The following NRG3 variants were observed in gnomAD, a reference collection of about 807,000 sequenced individuals.
NRG3 encodes the protein pro-neuregulin-3, membrane-bound isoform.
NRG3 carries 31 observed loss-of-function variants against 66.9 expected under a neutral mutation model. That is an observed-to-expected ratio of 0.46 (90% CI 0.35 to 0.63). NRG3 has a LOEUF of 0.63. Ranked by LOEUF, NRG3 falls within the 20% of genes least tolerant of loss-of-function variation. The pLI is 0.00. For synonymous variants in NRG3, 393 were observed against 359.4 expected, an observed-to-expected ratio of 1.09 and a Z score of -1.06; for missense variants, 910 against 878.9, an observed-to-expected ratio of 1.04 and a Z score of -0.45.
chr10:82,206,319 A>G (rs528694582), intron 1 of NRG3, among the ~76,000 whole-genome samples: 1 of 152,256 alleles, frequency 6.6e-6, no homozygotes, highest in African/African-American at 2.4e-5. Context: ...ACAATTTACT[A>G]AACAAATGAC....
rs865902888 is a variant in NRG3 at position 82,761,977 on chromosome 10, C to T, written c.1027+23327C>T. The stretch of plus-strand genomic sequence containing the variant: ...CTTTCTTTCTTTCTTTCTTTCTTTT[C>T]TTTCTTTCTTCTTTCTTTTCCTTTC... On this transcript the variant is annotated intron_variant, in intron 3 of 8. Coordinates refer to ENST00000372141, the MANE Select transcript of NRG3 (RefSeq NM_001010848.4). 1.9e-3 allele frequency among the ~76,000 whole-genome samples: 125 copies of T among 65,806 alleles called. 1 individual carries two copies. The highest frequency in any genetic ancestry group is 3.1e-3 in the African/African-American group (56 of 17,834). 43.2% of individuals were successfully genotyped at this position (65,806 alleles called of 152,430 possible). A position where few individuals can be genotyped will look rare whatever the true frequency, so the allele number is the denominator to read the frequency against.
intron 1 of NRG3, among the ~76,000 whole-genome samples, chr10:82,216,573 GGTGTGTGT>G (rs367590464): frequency 8.4e-6 from 1 of 119,418 alleles, no homozygotes; most frequent in East Asian, 2.3e-4. Flanking sequence ...TATATATCTG[GGTGTGTGT>G]GTGTGTGTGT....
At chr10:82,262,321 T>C (rs2078073951) in intron 1 of NRG3, among the ~76,000 whole-genome samples, 2 of 152,122 alleles carry the variant, frequency 1.3e-5, no homozygotes, top group Admixed American at 1.3e-4. Context: ...TGTTTTATGC[T>C]TCGATTTGGG....
chr10:82,384,353 G>T (rs2085835030), intron 2 of NRG3, among the ~76,000 whole-genome samples: 1 of 151,972 alleles, frequency 6.6e-6, no homozygotes, highest in Non-Finnish European at 1.5e-5. Flanking sequence ...GTAAAAATGT[G>T]CCATGGTGGT....
intron 2 of NRG3, among the ~76,000 whole-genome samples, chr10:82,734,476 G>A (rs2058061754): frequency 6.6e-6 from 1 of 152,110 alleles, no homozygotes; most frequent in African/African-American, 2.4e-5. Context: ...GGAAGGTCCT[G>A]AGCCTCTATT....
chr10:82,733,414 T>C (rs2058014389), intron 2 of NRG3, among the ~76,000 whole-genome samples: 1 of 152,178 alleles, frequency 6.6e-6, no homozygotes, highest in Non-Finnish European at 1.5e-5. Flanking sequence ...GAAACAAAGA[T>C]ATTAAATAAT....
chr10:82,120,331 T>G (rs2068004258), intron 1 of NRG3, among the ~76,000 whole-genome samples: 1 of 152,056 alleles, frequency 6.6e-6, no homozygotes, highest in African/African-American at 2.4e-5. Context: ...TTTACTGGAG[T>G]TGGTCTAAAT....
chr10:82,974,863 A>G (rs1247078968), intron 7 of NRG3, among the ~76,000 whole-genome samples: 3 of 152,144 alleles, frequency 2.0e-5, no homozygotes, highest in Admixed American at 1.3e-4. Context: ...TCACCTTTTA[A>G]TGAGTTACAT....
intron 1 of NRG3, among the ~76,000 whole-genome samples, chr10:82,024,610 C>T (rs1356918346): frequency 4.0e-5 from 6 of 151,894 alleles, no homozygotes; most frequent in African/African-American, 1.4e-4. Flanking sequence ...AAGCTGAATT[C>T]AAGGTGTGTA....
At chr10:82,275,505 A>G (rs981313840) in intron 1 of NRG3, among the ~76,000 whole-genome samples, 1 of 152,044 alleles carries the variant, frequency 6.6e-6, no homozygotes, top group Non-Finnish European at 1.5e-5. Flanking sequence ...GCAAAAGGCC[A>G]GTGAAGGATC....
chr10:81,876,984 G>A lies in NRG3; in HGVS notation c.823+821G>A, dbSNP rs1251122067. On this transcript the variant is annotated intron_variant, in intron 1 of 8. Coordinates refer to ENST00000372141, the MANE Select transcript of NRG3 (RefSeq NM_001010848.4). ...TTTGTTCCGTTCCCAAAGGTGGGGT[G>A]TGAACCTTATCTCCTCTCCCTCTGT... Among the ~76,000 whole-genome samples, 8 of 152,140 alleles carry A rather than the reference G, an allele frequency of 5.3e-5. No individual in the cohort carries two copies. In the East Asian group the frequency reaches 1.5e-3, roughly 29 times the overall value.
chr10:82,967,895 A>T (rs1564676171), intron 6 of NRG3, among the ~76,000 whole-genome samples: 1 of 151,916 alleles, frequency 6.6e-6, no homozygotes, highest in Non-Finnish European at 1.5e-5. Context: ...ACAGACCCCA[A>T]CTCTCGTTCT....
At chr10:82,826,788 A>G (rs2135624492) in intron 3 of NRG3, among the ~76,000 whole-genome samples, 1 of 152,206 alleles carries the variant, frequency 6.6e-6, no homozygotes, top group African/African-American at 2.4e-5. Context: ...GGTGAAAATC[A>G]AAAACTACCT....
chr10:82,623,819 A>G (rs1208351927), intron 2 of NRG3, among the ~76,000 whole-genome samples: 2 of 152,208 alleles, frequency 1.3e-5, no homozygotes, highest in African/African-American at 4.8e-5. Context: ...AGCTTCAGCC[A>G]AAACAACTCA....
intron 1 of NRG3, among the ~76,000 whole-genome samples, chr10:82,150,538 A>G (rs2070652476): frequency 6.6e-6 from 1 of 150,488 alleles, no homozygotes; most frequent in Non-Finnish European, 1.5e-5. Flanking sequence ...CACAAAAAAA[A>G]AAAAAAAAAA....
At chr10:82,883,937 C>T (rs1321126182) in intron 4 of NRG3, among the ~76,000 whole-genome samples, 1 of 150,510 alleles carries the variant, frequency 6.6e-6, no homozygotes, top group South Asian at 2.1e-4. Flanking sequence ...AAATATTTTG[C>T]TATAGTTTTT....
At chr10:82,399,035 A>G (rs1043688009) in intron 2 of NRG3, among the ~76,000 whole-genome samples, 2 of 152,216 alleles carry the variant, frequency 1.3e-5, no homozygotes, top group African/African-American at 2.4e-5. Context: ...ATGACAAGTG[A>G]TAGTTAATTT....
chr10:82,142,364 G>C (rs2069858078), intron 1 of NRG3, among the ~76,000 whole-genome samples: 1 of 152,092 alleles, frequency 6.6e-6, no homozygotes, highest in South Asian at 2.1e-4. Context: ...AGTCAACCTG[G>C]ACAGTATCTG....
chr10:82,236,114 A>G (rs1389685588), intron 1 of NRG3, among the ~76,000 whole-genome samples: 1 of 152,142 alleles, frequency 6.6e-6, no homozygotes, highest in Admixed American at 6.6e-5. Context: ...GTACTTTTAC[A>G]GTCAGTCGTT....
Sources: allele counts gnomAD v4.1 joint callset (sites outside exome capture counted in the v4.1 genomes callset), GRCh38; gene constraint gnomAD v4.1.1; transcripts MANE v1.5; gene names NCBI Gene and HGNC (gene_info 2026-07-23, HGNC 2026-07-21).